RFX7: variants seen among roughly 807,000 people sequenced by gnomAD.
RFX7 encodes regulatory factor X7, also known as DNA-binding protein RFX7.
RFX7 carries 26 observed loss-of-function variants against 111.8 expected under a neutral mutation model. The ratio of observed to expected loss-of-function variants is 0.23; its 90% CI spans 0.17 to 0.32. The LOEUF is 0.32. Among genes scored for constraint, RFX7 ranks in the 10% least tolerant of loss-of-function variants. RFX7 has a pLI of 1.00. For synonymous variants in RFX7, 624 were observed against 624.4 expected, an observed-to-expected ratio of 1.00 and a Z score of 0.01; for missense variants, 1,573 against 1,772.9, an observed-to-expected ratio of 0.89 and a Z score of 2.02.
At chr15:56,221,957 C>A (rs2043431248) in intron 2 of RFX7, among the ~76,000 whole-genome samples, 1 of 152,128 alleles carries the variant, frequency 6.6e-6, no homozygotes, top group African/African-American at 2.4e-5. Context: ...GAGATCAATT[C>A]TGGTTCTCTT....
intron 5 of RFX7, among the ~76,000 whole-genome samples, chr15:56,135,288 C>T (rs1253446986): frequency 2.6e-5 from 4 of 151,964 alleles, no homozygotes; most frequent in Non-Finnish European, 5.9e-5. Flanking sequence ...TGTTTCCTGA[C>T]TTTTTAATGA....
chr15:56,217,502 G>A (rs541545350), intron 2 of RFX7, among the ~76,000 whole-genome samples: 4 of 150,496 alleles, frequency 2.7e-5, no homozygotes, highest in Non-Finnish European at 5.9e-5. Flanking sequence ...CTGAATTTGT[G>A]TGATTGCTTT....
At chr15:56,148,422 G>A (rs1595966449) in intron 3 of RFX7, among the ~76,000 whole-genome samples, 1 of 152,172 alleles carries the variant, frequency 6.6e-6, no homozygotes, top group African/African-American at 2.4e-5. Flanking sequence ...GGACAGAAAA[G>A]CCTGTAGCAA....
intron 5 of RFX7, among the ~76,000 whole-genome samples, chr15:56,117,934 C>T (rs530368117): frequency 1.3e-5 from 2 of 152,090 alleles, no homozygotes; most frequent in East Asian, 1.9e-4. Context: ...ACCATGGGGG[C>T]GTTAGGTGTC....
At chr15:56,244,398 C>T (rs1458295166), upstream of RFX7, 5 of 152,110 alleles carry the variant, frequency 3.3e-5, no homozygotes, top group African/African-American at 1.2e-4. Flanking sequence ...GTTGAGTGCT[C>T]CTCGGTCGGG....
At chr15:56,187,551 A>C (rs1344247823) in intron 2 of RFX7, among the ~76,000 whole-genome samples, 1 of 137,612 alleles carries the variant, frequency 7.3e-6, no homozygotes, top group Non-Finnish European at 1.7e-5. Context: ...CTTAGACTGA[A>C]GCAGGAATCT....
At chr15:56,172,932 A>G (rs1394166010) in intron 3 of RFX7, among the ~76,000 whole-genome samples, 1 of 152,194 alleles carries the variant, frequency 6.6e-6, no homozygotes, top group Non-Finnish European at 1.5e-5. Context: ...CAAAACATGA[A>G]CAAAATATCA....
At chr15:56,148,499 T>C (rs1460086051) in intron 3 of RFX7, among the ~76,000 whole-genome samples, 5 of 152,206 alleles carry the variant, frequency 3.3e-5, no homozygotes, top group African/African-American at 1.2e-4. Context: ...TAGTGTAAGA[T>C]CAAGTTGCTT....
At chr15:56,184,673 A>G (rs2043018953) in intron 2 of RFX7, among the ~76,000 whole-genome samples, 1 of 152,088 alleles carries the variant, frequency 6.6e-6, no homozygotes, top group Admixed American at 6.6e-5. Context: ...GCCAAGGAAC[A>G]CTCTTCAAAA....
At chr15:56,127,698 C>A (rs1178569650) in intron 5 of RFX7, among the ~76,000 whole-genome samples, 2 of 151,674 alleles carry the variant, frequency 1.3e-5, no homozygotes, top group Non-Finnish European at 2.9e-5. Flanking sequence ...CAGGCGCGCG[C>A]CACCATGCCC....
chr15:56,120,823 C>G (rs1185734850), intron 5 of RFX7, among the ~76,000 whole-genome samples: 1 of 152,098 alleles, frequency 6.6e-6, no homozygotes, highest in Admixed American at 6.5e-5. Flanking sequence ...ATGTATTAAA[C>G]TGATAACAAA....
chr15:56,172,875 G>A (rs990697413), intron 3 of RFX7, among the ~76,000 whole-genome samples: 2 of 152,130 alleles, frequency 1.3e-5, no homozygotes, highest in African/African-American at 4.8e-5. Context: ...GCATGTGGCC[G>A]CAGTGGAGTA....
intron 2 of RFX7, among the ~76,000 whole-genome samples, chr15:56,232,361 G>A (rs2043569769): frequency 6.6e-6 from 1 of 152,168 alleles, no homozygotes; most frequent in Non-Finnish European, 1.5e-5. Flanking sequence ...GAGCTGCTGG[G>A]ATGCAGAGCA....
chr15:56,147,285 T>G (rs1245966702), intron 3 of RFX7, among the ~76,000 whole-genome samples: 1 of 152,186 alleles, frequency 6.6e-6, no homozygotes, highest in Non-Finnish European at 1.5e-5. Flanking sequence ...TACTGATACA[T>G]GCTACAACAT....
At chr15:56,238,510 A>T (rs1215037890) in intron 2 of RFX7, among the ~76,000 whole-genome samples, 1 of 152,202 alleles carries the variant, frequency 6.6e-6, no homozygotes, top group Non-Finnish European at 1.5e-5. Context: ...GGGTCTAATA[A>T]GGAATCAGTA....
At chr15:56,191,899 A>G (rs1282099559) in intron 2 of RFX7, among the ~76,000 whole-genome samples, 1 of 152,114 alleles carries the variant, frequency 6.6e-6, no homozygotes, top group African/African-American at 2.4e-5. Flanking sequence ...ATGTTCTCAT[A>G]AAGGCAAGAT....
Position 56,093,702 on chromosome 15 carries a change from T to G in RFX7, c.4026A>C (p.Gln1342His). The G allele has an allele frequency of 6.2e-7, 1 of 1,613,818 alleles. No individual in the cohort carries two copies. Among genetic ancestry groups the G allele is most frequent in the Non-Finnish European group, 8.5e-7 (1 of 1,179,732 alleles). Residue 1342 changes from glutamine to histidine, a missense_variant, in exon 10 of 10, where the codon CAA becomes CAC. Gln to His is a conservative substitution (Grantham distance 24, BLOSUM62 0). Coordinates refer to ENST00000559447, the MANE Select transcript of RFX7 (RefSeq NM_022841.7). The part of the protein sequence containing the change: ...DNQAQSEIGE[Q>H]QLDFNSTVKD... ...TAACAGTGCTATTGAAATCTAATTG[T>G]TGCTCTCCAATTTCTGATTGTGCTT...
chr15:56,229,139 C>CA (rs2043519447), intron 2 of RFX7, among the ~76,000 whole-genome samples: 1 of 152,050 alleles, frequency 6.6e-6, no homozygotes, highest in South Asian at 2.1e-4. Flanking sequence ...TGGTATTTTC[C>CA]ATTTAATATT....
At chr15:56,166,820 T>C (rs1433249830) in intron 3 of RFX7, among the ~76,000 whole-genome samples, 15 of 152,196 alleles carry the variant, frequency 9.9e-5, no homozygotes, top group South Asian at 4.2e-4. Context: ...GGCGGCACAA[T>C]TGTAGCTCCT....
Sources: allele counts gnomAD v4.1 joint callset (sites outside exome capture counted in the v4.1 genomes callset), GRCh38; gene constraint gnomAD v4.1.1; transcripts MANE v1.5; gene names NCBI Gene and HGNC (gene_info 2026-07-23, HGNC 2026-07-21).